The following CBX7 variants were observed in gnomAD, a reference collection of about 807,000 sequenced individuals.
The protein encoded by CBX7 is chromobox 7.
Under a neutral mutation model 31.4 loss-of-function variants are expected in CBX7, and 14 were observed. That is an observed-to-expected ratio of 0.45 (90% CI 0.29 to 0.70). CBX7 has a LOEUF of 0.70. CBX7 is among the 30% of genes least tolerant of loss of function. CBX7 has a pLI of 0.11. For missense variants in CBX7, 269 were observed against 351.9 expected, an observed-to-expected ratio of 0.76 and a Z score of 1.89; for synonymous variants, 159 against 152.6, an observed-to-expected ratio of 1.04 and a Z score of -0.31.
chr22:39,136,224 C>G (rs979201772), intron 4 of CBX7: 1 of 152,158 alleles, frequency 6.6e-6, no homozygotes, highest in Admixed American at 6.5e-5. Context: ...CAGTCAGGTC[C>G]TGGGTAAGCT....
At chr22:39,143,771 G>A (rs752144688) in intron 2 of CBX7, among the ~76,000 whole-genome samples, 12 of 152,190 alleles carry the variant, frequency 7.9e-5, no homozygotes, top group South Asian at 4.1e-4. Context: ...GTAGTCACAC[G>A]CTGTGCATGC....
chr22:39,138,575 G>T, intron 4 of CBX7, 61 bp downstream of exon 4: 1 of 1,475,254 alleles, frequency 6.8e-7, no homozygotes, highest in Non-Finnish European at 9.5e-7. Context: ...TGCACCAAGG[G>T]GCAGAGGGGG....
At chr22:39,141,554 GC>G (rs1278546155) in intron 2 of CBX7, 118 bp from the exon 3 acceptor site, 1 of 736,760 alleles carries the variant, frequency 1.4e-6, no homozygotes, top group Non-Finnish European at 2.2e-6. Flanking sequence ...TTCAAGACCA[GC>G]CTGGCCAACA....
At chr22:39,143,840 A>G (rs1012113984) in intron 2 of CBX7, among the ~76,000 whole-genome samples, 3 of 152,236 alleles carry the variant, frequency 2.0e-5, no homozygotes, top group African/African-American at 7.2e-5. Context: ...GGGTTGTACC[A>G]TCTAGGTGTG....
chr22:39,149,411 G>A (rs1930773587), intron 2 of CBX7: 3 of 347,478 alleles, frequency 8.6e-6, no homozygotes, highest in Admixed American at 4.3e-5. Context: ...GACTCATGCA[G>A]CACTGTGCTT....
chr22:39,137,169 C>T (rs1279109971), intron 4 of CBX7, among the ~76,000 whole-genome samples: 2 of 152,132 alleles, frequency 1.3e-5, no homozygotes, highest in Non-Finnish European at 2.9e-5. Context: ...AGAAGTGTTT[C>T]AGACTTCGAA....
intron 4 of CBX7, chr22:39,135,584 C>T (rs1324769991): frequency 6.6e-6 from 1 of 152,190 alleles, no homozygotes; most frequent in East Asian, 1.9e-4. Context: ...AGGTCAAACA[C>T]CTCCAAGCTG....
chr22:39,138,805 GA>G, intron 3 of CBX7, 103 bp from the exon 4 acceptor site: 1 of 1,044,804 alleles, frequency 9.6e-7, no homozygotes, highest in Non-Finnish European at 1.5e-6. Context: ...TCAGGGAGGG[GA>G]CACTCCCCAC....
chr22:39,134,597 G>T lies in CBX7; in HGVS notation c.402C>A (p.Thr134=). The part of the protein sequence containing the change: ...ELVDKGPLVP[T]LPFPLRKPRK... The stretch of plus-strand genomic sequence containing the variant: ...GGGGCTTGCGGAGCGGGAAGGGCAG[G>T]GTGGGCACCAAGGGGCCCTTGTCCA... Residue 134 remains threonine (T), a synonymous_variant, in exon 5 of 6, where the codon ACC becomes ACA. Transcript: ENST00000216133. The T allele has an allele frequency of 6.3e-7, 1 of 1,592,520 alleles. No individual in the cohort carries two copies. The highest frequency in any genetic ancestry group is 1.1e-5 in the South Asian group (1 of 88,376).
rs1036040256 is a variant in CBX7 at position 39,131,878 on chromosome 22, C to T, written c.*2013G>A. On this transcript the variant is annotated 3_prime_UTR_variant, in exon 6 of 6. Transcript: ENST00000216133. ...CCAAAACATTCAACTAGAGACCCCC[C>T]ACAACCCTCTATCATCTTTACCTCC... 8 of 152,304 alleles carry T rather than the reference C, an allele frequency of 5.3e-5. No individual in the cohort carries two copies. The highest frequency in any genetic ancestry group is 1.7e-4 in the African/African-American group (7 of 41,454). 9.4% of individuals were successfully genotyped at this position (152,304 alleles called of 1,614,324 possible).
In CBX7 at chr22:39,152,158, C is replaced by T. The variant is rs1446248855; in HGVS notation, c.69+218G>A. Among the ~76,000 whole-genome samples the T allele has an allele frequency of 6.6e-6, 1 of 152,116 alleles. No individual in the cohort carries two copies. Among genetic ancestry groups the T allele is most frequent in the Non-Finnish European group, 1.5e-5 (1 of 68,004 alleles). On this transcript the variant is annotated intron_variant, in intron 1 of 5. Coordinates refer to ENST00000216133, the MANE Select transcript of CBX7 (RefSeq NM_175709.5). The surrounding 1 kb of genome is among the most constrained non-coding windows in gnomAD (Gnocchi z 4.9). ...TCCTAATCTCCAGCTCAGGCAGGCT[C>T]GGCCGCCACTAGCATCCTGGAGCGA...
rs1569107702 is a variant in CBX7 at position 39,138,663 on chromosome 22, A to C, written c.219T>G (p.Gly73=). 4 of 1,613,990 alleles carry C rather than the reference A, an allele frequency of 2.5e-6. No homozygotes were observed. In the South Asian group the frequency reaches 3.3e-5, roughly 13 times the overall value. ...RDRASGYRKR[G]PKPKRLLLQR... is the part of the protein sequence containing the mutation. ...GCAGCAGAAGCCGCTTGGGTTTCGG[A>C]CCTCTCTTCCTATACCCCGATGCTC... Residue 73 remains glycine (G), a synonymous_variant, in exon 4 of 6, where the codon GGT becomes GGG. Coordinates refer to ENST00000216133, the MANE Select transcript of CBX7 (RefSeq NM_175709.5).
chr22:39,133,800 A>C lies in CBX7; in HGVS notation c.*91T>G. ...TGCTGCTCGGTATTTTTTTAAATAAAATAATTACCCCGCCCCCAACCCATC... is the reference window on the plus strand; with the variant it reads ...TGCTGCTCGGTATTTTTTTAAATAACATAATTACCCCGCCCCCAACCCATC... On this transcript the variant is annotated 3_prime_UTR_variant, in exon 6 of 6. Transcript: ENST00000216133. 1.6e-6 allele frequency: 2 copies of C among 1,241,690 alleles called. No individual in the cohort carries two copies. The highest frequency in any genetic ancestry group is 2.2e-6 in the Non-Finnish European group (2 of 925,264). 76.9% of individuals were successfully genotyped at this position (1,241,690 alleles called of 1,614,324 possible).
intron 2 of CBX7, among the ~76,000 whole-genome samples, chr22:39,141,826 A>AC (rs1930468687): frequency 6.6e-6 from 1 of 151,276 alleles, no homozygotes; most frequent in African/African-American, 2.4e-5. Context: ...CCCAGTGCCC[A>AC]CTGCAAGTGT....
intron 2 of CBX7, 60 bp downstream of exon 2, chr22:39,149,729 G>C: frequency 1.3e-6 from 2 of 1,486,376 alleles, no homozygotes. Context: ...CAAAAGGCAG[G>C]TGGAGGAATG....
At position 39,151,232 on chromosome 22, in the gene CBX7, T is replaced by C. The variant is rs553579918; in HGVS notation, c.69+1144A>G. 6.6e-5 allele frequency among the ~76,000 whole-genome samples: 10 copies of C among 152,126 alleles called. No homozygotes were observed. The East Asian group carries it at 1.9e-3, about 29-fold the overall frequency. ...ATTCTCTTTTAAGTGGAGAAAACCCTAGGAAAAAGGAGAAGGAGGAGGAAC... is the reference window on the plus strand; with the variant it reads ...ATTCTCTTTTAAGTGGAGAAAACCCCAGGAAAAAGGAGAAGGAGGAGGAAC... On this transcript the variant is annotated intron_variant, in intron 1 of 5. Transcript: ENST00000216133.
intron 4 of CBX7, 31 bp downstream of exon 4, chr22:39,138,605 G>A: frequency 6.2e-7 from 1 of 1,610,310 alleles, no homozygotes; most frequent in Non-Finnish European, 8.5e-7. Flanking sequence ...TGGGCAGGGG[G>A]AGAAAGGAGG....
chr22:39,145,556 CGTGGACACCG>C (rs1378255053), intron 2 of CBX7, among the ~76,000 whole-genome samples: 1 of 151,956 alleles, frequency 6.6e-6, no homozygotes, highest in African/African-American at 2.4e-5. Context: ...CGGACCGCGG[CGTGGACACCG>C]GGGGACTGCG....
In CBX7 at chr22:39,152,498, C is replaced by A; in HGVS notation, c.-54G>T. ...CCGGGCCGGGCCGGGGGCGGAGCTGCGGGGCCGCGGCTGCGGCGCGCGATG... is the reference window on the plus strand; with the variant it reads ...CCGGGCCGGGCCGGGGGCGGAGCTGAGGGGCCGCGGCTGCGGCGCGCGATG... On this transcript the variant is annotated 5_prime_UTR_variant, in exon 1 of 6. Transcript: ENST00000216133. The surrounding 1 kb of genome is among the most constrained non-coding windows in gnomAD (Gnocchi z 4.9). 1 of 831,090 alleles carries A rather than the reference C, an allele frequency of 1.2e-6. No individual in the cohort carries two copies. The highest frequency in any genetic ancestry group is 1.5e-6 in the Non-Finnish European group (1 of 688,156). The allele number at this position is 831,090 out of a possible 1,614,324, so 51.5% of individuals were successfully genotyped here.
Sources: gnomAD v4.1 joint callset for allele counts (sites outside exome capture counted in the v4.1 genomes callset) on GRCh38, gnomAD v4.1.1 for gene constraint, Gnocchi (gnomAD v3.1) non-coding constraint, MANE v1.5 for transcripts, NCBI Gene and HGNC (gene_info 2026-07-23, HGNC 2026-07-21) for gene names.